Variants in TENM4 observed in about 807,000 individuals in gnomAD.
TENM4 encodes the protein teneurin transmembrane protein 4.
A neutral mutation model predicts 243.3 loss-of-function variants in TENM4; 82 were observed. The ratio of observed to expected loss-of-function variants is 0.34; its 90% CI spans 0.28 to 0.40. TENM4 has a LOEUF of 0.40. TENM4 is among the 10% of genes least tolerant of loss of function. The probability of loss-of-function intolerance (pLI) is 1.00; values close to 1 mark genes in which losing one functional copy is unlikely to be tolerated. For synonymous variants in TENM4, 1,412 were observed against 1,456.3 expected (o/e 0.97, Z 0.69); for missense variants, 3,138 against 3,673.3 (o/e 0.85, Z 3.77).
chr11:78,815,832 C>T (rs373999306), intron 12 of TENM4, among the ~76,000 whole-genome samples: 1 of 152,336 alleles, frequency 6.6e-6, no homozygotes, highest in African/African-American at 2.4e-5. Flanking sequence ...AATGAAGTGA[C>T]CTGTGGAAGG....
intron 4 of TENM4, among the ~76,000 whole-genome samples, chr11:79,075,948 A>G (rs1860526588): frequency 6.6e-6 from 1 of 152,228 alleles, no homozygotes; most frequent in Non-Finnish European, 1.5e-5. Context: ...GTGACAGCTC[A>G]CCATCTCTCT....
chr11:79,322,917 C>T (rs1856915344), intron 1 of TENM4, among the ~76,000 whole-genome samples: 1 of 152,198 alleles, frequency 6.6e-6, no homozygotes, highest in African/African-American at 2.4e-5. Flanking sequence ...TAACCCAGTA[C>T]CTTCACCTCC....
At chr11:78,954,084 A>G (rs894410192) in intron 6 of TENM4, among the ~76,000 whole-genome samples, 3 of 152,216 alleles carry the variant, frequency 2.0e-5, no homozygotes, top group Non-Finnish European at 4.4e-5. Context: ...AAGGAGAGGA[A>G]GGGAAGGGAG....
chr11:79,156,994 G>C (rs1413985719), intron 3 of TENM4, among the ~76,000 whole-genome samples: 1 of 152,178 alleles, frequency 6.6e-6, no homozygotes, highest in African/African-American at 2.4e-5. Context: ...GACCAAGCAT[G>C]ACACACAAGG....
At position 79,329,383 on chromosome 11, in the gene TENM4, T is replaced by C. The variant is rs185208649; in HGVS notation, c.-320-31840A>G. Reference sequence around the variant, plus strand: ...AGACTTTCATTCATTCATCAAATATTTGCTAGGCACCTCCAACATCCCAAC... The same window carrying C: ...AGACTTTCATTCATTCATCAAATATCTGCTAGGCACCTCCAACATCCCAAC... On this transcript the variant is annotated intron_variant, in intron 1 of 33. Transcript: ENST00000278550. 4.2e-4 allele frequency among the ~76,000 whole-genome samples: 64 copies of C among 152,306 alleles called. 1 individual carries two copies. The East Asian group carries it at 0.012, about 29-fold the overall frequency.
intron 31 of TENM4, among the ~76,000 whole-genome samples, chr11:78,671,270 TG>T (rs56972690): frequency 0.018 from 2,567 of 141,114 alleles, 68 homozygotes; most frequent in African/African-American, 0.066. Context: ...TTCAGTATGT[TG>T]GATGACCTCC....
intron 3 of TENM4, among the ~76,000 whole-genome samples, chr11:79,156,060 G>C (rs867640302): frequency 2.0e-5 from 3 of 152,154 alleles, no homozygotes; most frequent in African/African-American, 7.2e-5. Context: ...CAGTTACATA[G>C]AAAATGTCAA....
intron 6 of TENM4, among the ~76,000 whole-genome samples, chr11:79,009,472 A>T (rs1453160155): frequency 6.6e-6 from 1 of 152,206 alleles, no homozygotes; most frequent in Non-Finnish European, 1.5e-5. Flanking sequence ...AAATAAAACA[A>T]GTACACCTGC....
At chr11:79,103,892 T>C (rs985167649) in intron 4 of TENM4, among the ~76,000 whole-genome samples, 1 of 152,166 alleles carries the variant, frequency 6.6e-6, no homozygotes, top group Non-Finnish European at 1.5e-5. Flanking sequence ...GGTCCTATGG[T>C]TTTTTGAATG....
intron 2 of TENM4, among the ~76,000 whole-genome samples, chr11:79,279,904 G>A (rs1856125373): frequency 2.0e-5 from 3 of 152,182 alleles, no homozygotes; most frequent in Non-Finnish European, 4.4e-5. Context: ...GGTTATGAGA[G>A]CTCTACCCCT....
At chr11:78,914,120 T>A (rs1856260759) in intron 6 of TENM4, among the ~76,000 whole-genome samples, 1 of 152,216 alleles carries the variant, frequency 6.6e-6, no homozygotes, top group Non-Finnish European at 1.5e-5. Flanking sequence ...ATGGAAGAAC[T>A]ATTCCCAGCC....
intron 3 of TENM4, among the ~76,000 whole-genome samples, chr11:79,179,727 C>G (rs1863244566): frequency 6.6e-6 from 1 of 151,762 alleles, no homozygotes; most frequent in Admixed American, 6.6e-5. Flanking sequence ...GTTTGAAGAC[C>G]AAGCGAGTGA....
chr11:78,751,030 C>G (rs111412086), intron 19 of TENM4, among the ~76,000 whole-genome samples: 9,093 of 152,176 alleles, frequency 0.06, 639 homozygotes, highest in African/African-American at 0.17. Flanking sequence ...CAGGCGTGCA[C>G]CACCACACCT....
intron 19 of TENM4, among the ~76,000 whole-genome samples, chr11:78,752,695 T>A (rs760391895): frequency 3.3e-5 from 5 of 152,264 alleles, no homozygotes; most frequent in Non-Finnish European, 7.4e-5. Context: ...GAAATTCCAC[T>A]CTCTGGAGAA....
chr11:79,096,836 A>G (rs962972614), intron 4 of TENM4: 1 of 152,546 alleles, frequency 6.6e-6, no homozygotes, highest in Non-Finnish European at 1.5e-5. Context: ...CTAACCGCTA[A>G]GGGAACAATT....
Position 78,889,846 on chromosome 11 carries a change from G to A in TENM4, c.1023C>T (p.Cys341=), listed in dbSNP as rs201536211. The change falls in exon 9 of 34, where the codon TGC becomes TGT. Residue 341 remains cysteine, a synonymous_variant. Transcript: ENST00000278550. ...KKPSKYCNWK[C]AALSAIVISA... Reference sequence around the variant, plus strand: ...AGATGACGATGGCGCTCAGGGCTGCGCACTTCCAGTTACAGTACTTGGAGG... The same window carrying A: ...AGATGACGATGGCGCTCAGGGCTGCACACTTCCAGTTACAGTACTTGGAGG... The A allele has an allele frequency of 7.7e-5, 119 of 1,551,862 alleles. No individual in the cohort carries two copies. The East Asian group carries it at 2.4e-3, about 32-fold the overall frequency.
rs1055732515 is a variant in TENM4, at chr11:79,064,921, G to C, written c.310C>G (p.His104Asp). The C allele has an allele frequency of 9.1e-6, 14 of 1,540,488 alleles. No homozygotes were observed. Among genetic ancestry groups the C allele is most frequent in the African/African-American group, 2.7e-5 (2 of 72,850 alleles). ...TLYRTDIGLP[H>D]CGYSMGAGSD... ...CCAGCCCCCATGGAGTAGCCGCAGT[G>C]GGGGAGGCCAATGTCTGTCCGGTAC... Residue 104 changes from histidine to aspartate, a missense_variant, in exon 6 of 34, where the codon CAC (histidine) becomes GAC (aspartate). Physicochemically the swap from His to Asp is moderately conservative, Grantham distance 81. Transcript: ENST00000278550.
At chr11:79,008,961 G>A (rs1591203838) in intron 6 of TENM4, among the ~76,000 whole-genome samples, 6 of 152,232 alleles carry the variant, frequency 3.9e-5, no homozygotes, top group Admixed American at 3.9e-4. Flanking sequence ...AATTTGCTAA[G>A]TAAAAAATGC....
chr11:79,091,199 A>G lies in TENM4; in HGVS notation c.-65-21190T>C, dbSNP rs1860940079. Among the ~76,000 whole-genome samples the G allele has an allele frequency of 2.0e-5, 3 of 152,242 alleles. No homozygotes were observed. In the South Asian group the frequency reaches 6.2e-4, roughly 31 times the overall value. ...GATCTTTGTCTAAAAACAAGCTAGA[A>G]AAACCACTGCCTTAAGACCTATTCT... On this transcript the variant is annotated intron_variant, in intron 4 of 33. Transcript: ENST00000278550.
Sources: allele counts gnomAD v4.1 joint callset (sites outside exome capture counted in the v4.1 genomes callset), GRCh38; gene constraint gnomAD v4.1.1; transcripts MANE v1.5; gene names NCBI Gene and HGNC (gene_info 2026-07-23, HGNC 2026-07-21).